Variants in RPH3AL observed in about 807,000 individuals in gnomAD.
RPH3AL encodes the protein rab effector Noc2.
Under a neutral mutation model 43.1 loss-of-function variants are expected in RPH3AL, and 38 were observed. The observed-to-expected ratio is 0.88, with a 90% CI of 0.68 to 1.15. The LOEUF (loss-of-function observed/expected upper bound fraction) is 1.15, where lower values mean the gene tolerates loss of function less well. Ranked by LOEUF, RPH3AL falls within the 50% of genes most tolerant of loss-of-function variation. The pLI, the probability that RPH3AL is intolerant of heterozygous loss-of-function variation, is 0.00. For missense variants in RPH3AL, 462 were observed against 423.2 expected (o/e 1.09, Z -0.81); for synonymous variants, 189 against 176.3 (o/e 1.07, Z -0.57).
In RPH3AL at chr17:258,760, T is replaced by G. The variant is rs1324532581; in HGVS notation, c.439-11475A>C. On this transcript the variant is annotated intron_variant, in intron 6 of 9. Coordinates refer to ENST00000331302, the MANE Select transcript of RPH3AL (RefSeq NM_006987.4). The stretch of plus-strand genomic sequence containing the variant: ...GCCATTTTGGGATAGTCAACCCGTT[T>G]TTTTTTTTTTTTTTTTTTGAGACAG... Among the ~76,000 whole-genome samples the G allele has an allele frequency of 3.1e-4, 46 of 148,062 alleles. 2 individuals carry two copies. Among genetic ancestry groups the G allele is most frequent in the Non-Finnish European group, 4.3e-4 (29 of 66,786 alleles).
intron 6 of RPH3AL, among the ~76,000 whole-genome samples, chr17:262,377 G>A (rs868929448): frequency 1.2e-4 from 18 of 152,134 alleles, no homozygotes; most frequent in South Asian, 6.2e-4. Flanking sequence ...CACCAGGCCC[G>A]GCTAATTTTT....
At position 329,046 on chromosome 17, in the gene RPH3AL, G is replaced by C. The variant is rs186974205; in HGVS notation, c.-36-1467C>G. Among the ~76,000 whole-genome samples the C allele has an allele frequency of 3.3e-5, 5 of 152,232 alleles. No homozygotes were observed. The East Asian group carries it at 7.7e-4, about 23-fold the overall frequency. On this transcript the variant is annotated intron_variant, in intron 2 of 9. Transcript: ENST00000331302. Reference sequence around the variant, plus strand: ...GGGGTCGTAAAAATGTTCTGGATTAGACAGTGGTGATGGTCACACATTTCA... The same window carrying C: ...GGGGTCGTAAAAATGTTCTGGATTACACAGTGGTGATGGTCACACATTTCA...
chr17:274,730 G>T lies in RPH3AL; in HGVS notation c.438+7038C>A, dbSNP rs1182004527. ...GGAGGGGCTATGAGGAGACGCCTTGGAGTCAATCCTGGGTCTGCGGGGCTT... is the reference window on the plus strand; with the variant it reads ...GGAGGGGCTATGAGGAGACGCCTTGTAGTCAATCCTGGGTCTGCGGGGCTT... On this transcript the variant is annotated intron_variant, in intron 6 of 9. Transcript: ENST00000331302. This position sits in a 1 kb window ranked among gnomAD's most constrained non-coding sequence, Gnocchi z 4.7. Among the ~76,000 whole-genome samples, 1 of 152,194 alleles carries T rather than the reference G, an allele frequency of 6.6e-6. No individual in the cohort carries two copies. Among genetic ancestry groups the T allele is most frequent in the Non-Finnish European group, 1.5e-5 (1 of 68,024 alleles).
chr17:250,483 C>T (rs1555542061), intron 6 of RPH3AL, among the ~76,000 whole-genome samples: 1 of 145,132 alleles, frequency 6.9e-6, no homozygotes, highest in East Asian at 2.1e-4. Context: ...GCTGTGGGAC[C>T]TCTCGGGGCC....
rs2041081769 is a variant in RPH3AL, at chr17:225,199, G to T, written c.614-5463C>A. The stretch of plus-strand genomic sequence containing the variant: ...CTGCTCAGAGGCTCTGCCTTTTTCT[G>T]TCCTGCTCCCCAGGAAGAGTTCTAC... On this transcript the variant is annotated intron_variant, in intron 7 of 9. Transcript: ENST00000331302. The surrounding 1 kb of genome is among the most constrained non-coding windows in gnomAD (Gnocchi z 4.4). Among the ~76,000 whole-genome samples the T allele has an allele frequency of 6.6e-6, 1 of 151,584 alleles. No individual in the cohort carries two copies. The highest frequency in any genetic ancestry group is 1.5e-5 in the Non-Finnish European group (1 of 67,950).
At chr17:272,073 T>C (rs191884414) in intron 6 of RPH3AL, among the ~76,000 whole-genome samples, 71 of 152,246 alleles carry the variant, frequency 4.7e-4, no homozygotes, top group African/African-American at 1.6e-3. Context: ...CTCACACCAG[T>C]TAGAATGGCG....
intron 6 of RPH3AL, among the ~76,000 whole-genome samples, chr17:277,694 C>T (rs2042685556): frequency 6.6e-6 from 1 of 152,100 alleles, no homozygotes; most frequent in South Asian, 2.1e-4. Context: ...GTGGCTCACG[C>T]CTGTAATCTC....
chr17:326,083 G>T (rs2044612497), intron 3 of RPH3AL, among the ~76,000 whole-genome samples: 1 of 152,232 alleles, frequency 6.6e-6, no homozygotes, highest in Non-Finnish European at 1.5e-5. Context: ...CAGTGGCGGA[G>T]CTCTCCTTGG....
chr17:248,048 C>T (rs12449506), intron 6 of RPH3AL, among the ~76,000 whole-genome samples: 46,645 of 151,688 alleles, frequency 0.31, 7,433 homozygotes, highest in Non-Finnish European at 0.33. Context: ...GCTGACCTCC[C>T]GGGCACCTTC....
chr17:258,058 C>T (rs1035938730), intron 6 of RPH3AL, among the ~76,000 whole-genome samples: 7 of 151,854 alleles, frequency 4.6e-5, no homozygotes, highest in Non-Finnish European at 8.8e-5. Flanking sequence ...TCAGGGCTCA[C>T]GCACGCAGCA....
intron 7 of RPH3AL, among the ~76,000 whole-genome samples, chr17:242,094 G>A (rs1015069356): frequency 5.9e-5 from 9 of 152,064 alleles, no homozygotes; most frequent in Non-Finnish European, 1.2e-4. Context: ...TCCAGCCTGG[G>A]TGGCAGAGCA....
At chr17:240,699 C>A (rs142562935) in intron 7 of RPH3AL, among the ~76,000 whole-genome samples, 1 of 152,168 alleles carries the variant, frequency 6.6e-6, no homozygotes, top group South Asian at 2.1e-4. Context: ...AGCTGATGGA[C>A]GTATGAGTTG....
chr17:316,403 C>T (rs1598107727), intron 5 of RPH3AL, among the ~76,000 whole-genome samples: 4 of 151,164 alleles, frequency 2.6e-5, no homozygotes, highest in East Asian at 2.0e-4. Flanking sequence ...CTCCATTGTC[C>T]TGTAGTCCCT....
chr17:316,993 A>C (rs112425631), intron 5 of RPH3AL, among the ~76,000 whole-genome samples: 106 of 37,656 alleles, frequency 2.8e-3, no homozygotes, highest in Middle Eastern at 0.062. Flanking sequence ...AGTCCCTGTG[A>C]CCCCACCTCC....
chr17:304,619 C>G (rs377214475), intron 5 of RPH3AL, among the ~76,000 whole-genome samples: 1 of 152,066 alleles, frequency 6.6e-6, no homozygotes, highest in Non-Finnish European at 1.5e-5. Context: ...GCTGTCACGA[C>G]GATTCCACCC....
chr17:240,854 T>C (rs1255352216), intron 7 of RPH3AL, among the ~76,000 whole-genome samples: 1 of 151,552 alleles, frequency 6.6e-6, no homozygotes, highest in Admixed American at 6.6e-5. Context: ...GGTCAGGAGA[T>C]CGAGACCAGC....
intron 5 of RPH3AL, among the ~76,000 whole-genome samples, chr17:315,154 A>T (rs1279094172): frequency 5.4e-5 from 8 of 149,372 alleles, no homozygotes; most frequent in Non-Finnish European, 6.0e-5. Context: ...ATTGACCTGT[A>T]GTCCCTGTGC....
intron 5 of RPH3AL, among the ~76,000 whole-genome samples, chr17:305,106 G>A (rs1159004481): frequency 4.6e-5 from 3 of 64,932 alleles, no homozygotes; most frequent in Non-Finnish European, 6.7e-5. Context: ...GGGACAGGGC[G>A]AGAGGGGACA....
intron 5 of RPH3AL, among the ~76,000 whole-genome samples, chr17:304,545 A>G (rs1312402681): frequency 6.6e-6 from 1 of 152,132 alleles, no homozygotes; most frequent in Non-Finnish European, 1.5e-5. Flanking sequence ...CACCAACAAC[A>G]TAACCAGAGG....
Sources: gnomAD v4.1 joint callset for allele counts (sites outside exome capture counted in the v4.1 genomes callset) on GRCh38, gnomAD v4.1.1 for gene constraint, Gnocchi (gnomAD v3.1) non-coding constraint, MANE v1.5 for transcripts, NCBI Gene and HGNC (gene_info 2026-07-23, HGNC 2026-07-21) for gene names.